Variants in TENT5D observed in about 807,000 individuals in gnomAD.
TENT5D encodes terminal nucleotidyltransferase 5D, also known as cancer/testis antigen 112.
For missense variants in TENT5D, 191 were observed against 287.0 expected (o/e 0.67, Z 2.42); for synonymous variants, 103 against 100.6 (o/e 1.02, Z -0.15).
chrX:80,395,063 G>T (rs1007141026), intron 3 of TENT5D, among the ~76,000 whole-genome samples: 3 of 111,392 alleles, frequency 2.7e-5, no homozygotes, highest in African/African-American at 9.8e-5. Context: ...ACTTGTATTT[G>T]CTATTTCTAT....
intron 3 of TENT5D, among the ~76,000 whole-genome samples, chrX:80,402,497 G>A (rs1200965398): frequency 2.7e-5 from 3 of 110,879 alleles, no homozygotes; most frequent in Non-Finnish European, 5.7e-5. Flanking sequence ...TTATTTACTT[G>A]CAGTCTTCTT....
At chrX:80,396,608 A>G (rs1931247898) in intron 3 of TENT5D, among the ~76,000 whole-genome samples, 2 of 110,606 alleles carry the variant, frequency 1.8e-5, no homozygotes, top group Non-Finnish European at 3.8e-5. Flanking sequence ...AGAGATCAAC[A>G]GGATCACAAG....
At chrX:80,419,515 A>AG (rs1344938703), upstream of TENT5D, among the ~76,000 whole-genome samples, 1 of 111,812 alleles carries the variant, frequency 8.9e-6, no homozygotes, top group Non-Finnish European at 1.9e-5. Flanking sequence ...TAGCCAGACA[A>AG]TTTTCTTCCT....
At chrX:80,379,594 T>G (rs950878372) in intron 3 of TENT5D, among the ~76,000 whole-genome samples, 1 of 111,372 alleles carries the variant, frequency 9.0e-6, no homozygotes, top group Non-Finnish European at 1.9e-5. Context: ...GTCCTGGACT[T>G]TTTTTGGTTG....
intron 3 of TENT5D, among the ~76,000 whole-genome samples, chrX:80,406,214 C>T (rs1176217979): frequency 8.9e-6 from 1 of 112,342 alleles, no homozygotes; most frequent in Non-Finnish European, 1.9e-5. Context: ...CAAAGGAACG[C>T]AGTTCCTCAC....
At chrX:80,441,911 G>A (rs1176452882) in intron 2 of TENT5D, among the ~76,000 whole-genome samples, 1 of 110,613 alleles carries the variant, frequency 9.0e-6, no homozygotes, top group Non-Finnish European at 1.9e-5. Context: ...ACATAGAAGA[G>A]GTGATAAATT....
chrX:80,342,805 A>C (rs1403306103), intron 3 of TENT5D, among the ~76,000 whole-genome samples: 1 of 111,937 alleles, frequency 8.9e-6, no homozygotes, highest in Non-Finnish European at 1.9e-5. Flanking sequence ...GCAGTTGTTC[A>C]AATTTGGAGA....
At chrX:80,345,390 C>G (rs1415611138) in intron 3 of TENT5D, among the ~76,000 whole-genome samples, 1 of 111,542 alleles carries the variant, frequency 9.0e-6, no homozygotes, top group Admixed American at 9.6e-5. Flanking sequence ...GAAAGATCCA[C>G]CAAACATTCC....
chrX:80,411,686 TA>T (rs1253659259), intron 3 of TENT5D, among the ~76,000 whole-genome samples: 1 of 112,149 alleles, frequency 8.9e-6, no homozygotes, highest in African/African-American at 3.2e-5. Flanking sequence ...TTCTTGTAAT[TA>T]AAAAAAATTG....
rs73630384 is a variant in TENT5D, at chrX:80,389,960, G to A, written c.-142+47396G>A. ...ATGATACAGTAGAGTGGGAAAGGAT[G>A]AAACTTCAGGAGAGAGGAGGGAATC... On this transcript the variant is annotated intron_variant, in intron 3 of 4. Coordinates refer to the TENT5D transcript ENST00000538312. Among the ~76,000 whole-genome samples, 464 of 111,750 alleles carry A rather than the reference G, an allele frequency of 4.2e-3. 2 individuals carry two copies. Among genetic ancestry groups the A allele is most frequent in the African/African-American group, 0.014 (433 of 30,768 alleles).
chrX:80,372,322 A>G (rs987677918), intron 3 of TENT5D, among the ~76,000 whole-genome samples: 16 of 111,629 alleles, frequency 1.4e-4, no homozygotes, highest in African/African-American at 4.6e-4. Context: ...TTTCAATACT[A>G]TAGGTATAAA....
intron 2 of TENT5D, among the ~76,000 whole-genome samples, chrX:80,341,750 C>A (rs1326276307): frequency 2.1e-5 from 2 of 93,559 alleles, no homozygotes; most frequent in Non-Finnish European, 4.2e-5. Flanking sequence ...CTCGCTCTGT[C>A]GCCCAGGCTG....
chrX:80,405,682 C>G (rs1372932858), intron 3 of TENT5D, among the ~76,000 whole-genome samples: 1 of 110,097 alleles, frequency 9.1e-6, no homozygotes, highest in East Asian at 2.9e-4. Flanking sequence ...GGAGGAGGGG[C>G]GCCCACCATT....
At chrX:80,390,662 T>A (rs1169420134) in intron 3 of TENT5D, among the ~76,000 whole-genome samples, 1 of 111,348 alleles carries the variant, frequency 9.0e-6, no homozygotes, top group Non-Finnish European at 1.9e-5. Context: ...TACTATAACA[T>A]ACAAGCTTGA....
At chrX:80,408,302 T>C (rs1369260359) in intron 3 of TENT5D, among the ~76,000 whole-genome samples, 2 of 107,289 alleles carry the variant, frequency 1.9e-5, no homozygotes, top group Non-Finnish European at 3.9e-5. Flanking sequence ...AAAAAATTAA[T>C]GAATCCAGGA....
intron 3 of TENT5D, among the ~76,000 whole-genome samples, chrX:80,397,665 G>A (rs1005581555): frequency 4.9e-4 from 55 of 111,808 alleles, no homozygotes; most frequent in Middle Eastern, 4.7e-3. Context: ...AACCAGCTCC[G>A]TCTGCAATCC....
intron 3 of TENT5D, among the ~76,000 whole-genome samples, chrX:80,373,253 G>A (rs1453514232): frequency 9.1e-6 from 1 of 110,402 alleles, no homozygotes; most frequent in Non-Finnish European, 1.9e-5. Context: ...TGATCATTCA[G>A]GATTGTGATG....
At chrX:80,435,316 G>T (rs1324621623) in intron 1 of TENT5D, among the ~76,000 whole-genome samples, 1 of 111,656 alleles carries the variant, frequency 9.0e-6, no homozygotes, top group East Asian at 2.8e-4. Flanking sequence ...TGTTGTGTTT[G>T]GCTGTTAAAA....
At chrX:80,353,316 G>A (rs1266841513) in intron 3 of TENT5D, among the ~76,000 whole-genome samples, 1 of 111,766 alleles carries the variant, frequency 8.9e-6, no homozygotes, top group African/African-American at 3.3e-5. Context: ...ACATATGCAG[G>A]TTTGTTCAAT....
Sources: allele counts gnomAD v4.1 joint callset (sites outside exome capture counted in the v4.1 genomes callset), GRCh38; gene constraint gnomAD v4.1.1; transcripts MANE v1.5; gene names NCBI Gene and HGNC (gene_info 2026-07-23, HGNC 2026-07-21).